Variants in INTS3 observed in about 807,000 individuals in gnomAD.
The protein encoded by INTS3 is integrator complex subunit 3.
INTS3 carries 34 observed loss-of-function variants against 146.3 expected under a neutral mutation model. The observed-to-expected ratio is 0.23, with a 90% CI of 0.18 to 0.31. The LOEUF (loss-of-function observed/expected upper bound fraction) is 0.31, where lower values mean the gene tolerates loss of function less well. Ranked by LOEUF, INTS3 falls within the 10% of genes least tolerant of loss-of-function variation. INTS3 has a pLI of 1.00. For missense variants in INTS3, 757 were observed against 1,304.2 expected, an observed-to-expected ratio of 0.58 and a Z score of 6.46; for synonymous variants, 475 against 494.9, an observed-to-expected ratio of 0.96 and a Z score of 0.53.
Position 153,772,305 on chromosome 1 carries a change from A to C in INTS3, c.2721-35A>C, listed in dbSNP as rs781595243. ...GTGTCTCGCACTCTGGAACCCTCCCACACTCAGACTCTGGCTCTGGTGATT... is the reference window on the plus strand; with the variant it reads ...GTGTCTCGCACTCTGGAACCCTCCCCCACTCAGACTCTGGCTCTGGTGATT... On this transcript the variant is annotated intron_variant, in intron 26 of 29. Transcript: ENST00000318967. This position sits in a 1 kb window ranked among gnomAD's most constrained non-coding sequence, Gnocchi z 4.6. The C allele has an allele frequency of 1.9e-6, 3 of 1,605,282 alleles. No individual in the cohort carries two copies. The East Asian group carries it at 6.7e-5, about 36-fold the overall frequency.
At chr1:153,741,399 C>G (rs1177185722) in intron 3 of INTS3, 31 bp downstream of exon 3, 2 of 1,474,606 alleles carry the variant, frequency 1.4e-6, no homozygotes, top group Admixed American at 3.3e-5. Context: ...CCCATAAACC[C>G]TCCTCATATA....
At chr1:153,755,020 T>C (rs1205207756) in intron 9 of INTS3, among the ~76,000 whole-genome samples, 2 of 152,208 alleles carry the variant, frequency 1.3e-5, no homozygotes, top group African/African-American at 4.8e-5. Flanking sequence ...CCAATAATTA[T>C]ATAGAAATAC....
In INTS3 at chr1:153,774,574, T is replaced by C. The variant is rs189157344; in HGVS notation, c.*1304T>C. ...AGAGGAGAGTTCCTTGGCTATGCTG[T>C]TGTTCCCCCGCTGTCCAGGGAGAAT... is the stretch of plus-strand genomic sequence containing the variant. On this transcript the variant is annotated 3_prime_UTR_variant, in exon 30 of 30. Transcript: ENST00000318967. 2 of 154,356 alleles carry C rather than the reference T, an allele frequency of 1.3e-5. No homozygotes were observed. Among genetic ancestry groups the C allele is most frequent in the African/African-American group, 2.4e-5 (1 of 41,558 alleles). The allele number at this position is 154,356 out of a possible 1,614,324, so 9.6% of individuals were successfully genotyped here.
intron 1 of INTS3, among the ~76,000 whole-genome samples, chr1:153,738,731 GA>G (rs1671398860): frequency 6.6e-6 from 1 of 152,108 alleles, no homozygotes; most frequent in Non-Finnish European, 1.5e-5. Context: ...CATTGATGAT[GA>G]TATTTGCCTG....
At chr1:153,753,294 C>T (rs1007422265) in intron 8 of INTS3, among the ~76,000 whole-genome samples, 10 of 152,042 alleles carry the variant, frequency 6.6e-5, no homozygotes, top group Admixed American at 5.9e-4. Flanking sequence ...CGCGGTGGCT[C>T]ACACCTGTAA....
At chr1:153,742,571 T>C (rs1295185848) in intron 3 of INTS3, among the ~76,000 whole-genome samples, 7 of 152,054 alleles carry the variant, frequency 4.6e-5, no homozygotes, top group Non-Finnish European at 1.0e-4. Context: ...TTTAGTCATC[T>C]CAGTGCAAAT....
intron 25 of INTS3, 49 bp from the exon 26 acceptor site, chr1:153,771,747 C>A: frequency 6.4e-7 from 1 of 1,559,328 alleles, no homozygotes; most frequent in Non-Finnish European, 8.7e-7. Flanking sequence ...ACCCAGCATG[C>A]CCTGCGGCCA....
At chr1:153,754,606 C>A in intron 8 of INTS3, 36 bp from the exon 9 acceptor site, 1 of 1,399,986 alleles carries the variant, frequency 7.1e-7, no homozygotes, top group Non-Finnish European at 1.0e-6. Flanking sequence ...GGTCCTTAGG[C>A]TTCCTCTTTT....
intron 21 of INTS3, among the ~76,000 whole-genome samples, chr1:153,768,483 C>T (rs1484186643): frequency 1.3e-5 from 2 of 152,234 alleles, no homozygotes; most frequent in African/African-American, 4.8e-5. Flanking sequence ...ACTCTCTACA[C>T]CACCTCTTTG....
In INTS3 at chr1:153,762,914, G is replaced by T. The variant is rs952270938; in HGVS notation, c.1636+67G>T. 7.5e-6 allele frequency: 12 copies of T among 1,589,684 alleles called. No homozygotes were observed. The Admixed American group carries it at 2.1e-4, about 27-fold the overall frequency. ...CTGAGAGGACCAGTTCCCAGAAGCA[G>T]CCTCTCTGCACTCTTCCTGTCACCC... On this transcript the variant is annotated intron_variant, in intron 15 of 29. Transcript: ENST00000318967.
intron 25 of INTS3, 101 bp downstream of exon 25, chr1:153,770,834 T>C (rs1293030943): frequency 1.1e-6 from 1 of 931,176 alleles, no homozygotes; most frequent in South Asian, 1.4e-5. Flanking sequence ...CCATATTTTT[T>C]CCTGTCGTTA....
chr1:153,765,945 C>A (rs1278388839), intron 20 of INTS3, among the ~76,000 whole-genome samples: 3 of 152,036 alleles, frequency 2.0e-5, no homozygotes, highest in Non-Finnish European at 4.4e-5. Context: ...ATTTTTATCA[C>A]CCCAAAAAGA....
At chr1:153,754,071 G>T (rs562802531) in intron 8 of INTS3, among the ~76,000 whole-genome samples, 545 of 151,912 alleles carry the variant, frequency 3.6e-3, no homozygotes, top group Non-Finnish European at 6.3e-3. Flanking sequence ...AAGGTGCTAG[G>T]ATTACAGGTG....
At position 153,728,539 on chromosome 1, in the gene INTS3, C is replaced by T. The variant is rs901041160; in HGVS notation, c.-96C>T. On this transcript the variant is annotated 5_prime_UTR_variant, in exon 1 of 30. Transcript: ENST00000318967. Reference sequence around the variant, plus strand: ...TTGCTCTCCCCTCCCCAACTTGTTCCTCTTGCCCCCCAGTCCCTGGCAATC... The same window carrying T: ...TTGCTCTCCCCTCCCCAACTTGTTCTTCTTGCCCCCCAGTCCCTGGCAATC... 2.1e-6 allele frequency: 3 copies of T among 1,446,562 alleles called. No homozygotes were observed. The highest frequency in any genetic ancestry group is 2.9e-5 in the African/African-American group (2 of 67,982). 89.6% of individuals were successfully genotyped at this position (1,446,562 alleles called of 1,614,324 possible).
intron 1 of INTS3, among the ~76,000 whole-genome samples, chr1:153,740,064 G>T (rs565195517): frequency 1.9e-4 from 28 of 151,018 alleles, no homozygotes; most frequent in Admixed American, 6.6e-4. Flanking sequence ...CTCCCAAAGT[G>T]CTGGGATTAC....
intron 1 of INTS3, among the ~76,000 whole-genome samples, chr1:153,730,869 C>T (rs1322705550): frequency 6.6e-6 from 1 of 152,074 alleles, no homozygotes; most frequent in Admixed American, 6.6e-5. Context: ...GTGTGTGGTT[C>T]GGTTATCCCC....
intron 1 of INTS3, among the ~76,000 whole-genome samples, chr1:153,735,461 C>A (rs1434522449): frequency 6.6e-6 from 1 of 152,166 alleles, no homozygotes; most frequent in African/African-American, 2.4e-5. Context: ...GTTATGCTTC[C>A]TGTCAGTTTG....
Position 153,772,016 on chromosome 1 carries a change from C to T in INTS3, c.2720+53C>T. The T allele has an allele frequency of 6.8e-7, 1 of 1,471,432 alleles. No homozygotes were observed. The highest frequency in any genetic ancestry group is 1.2e-5 in the South Asian group (1 of 81,198). The allele number at this position is 1,471,432 out of a possible 1,614,324, so 91.1% of individuals were successfully genotyped here. The stretch of plus-strand genomic sequence containing the variant: ...AGGCCATGGCGGTCTGCAGTGATTG[C>T]TGTCGGTGGTGGTGGTGGTGGTGGT... On this transcript the variant is annotated intron_variant, in intron 26 of 29. Transcript: ENST00000318967. The surrounding 1 kb of genome is among the most constrained non-coding windows in gnomAD (Gnocchi z 4.6).
rs1260776904 is a variant in INTS3 at position 153,764,874 on chromosome 1, C to T, written c.1971-70C>T. ...TGTGGGCACAGACAGCCCATGCCAC[C>T]TGAGAAACTCCATGGGAGAGTCTGC... is the stretch of plus-strand genomic sequence containing the variant. On this transcript the variant is annotated intron_variant, in intron 19 of 29. Transcript: ENST00000318967. The T allele has an allele frequency of 2.5e-6, 4 of 1,601,136 alleles. No individual in the cohort carries two copies. The East Asian group carries it at 8.9e-5, about 36-fold the overall frequency.
Sources: gnomAD v4.1 joint callset for allele counts (sites outside exome capture counted in the v4.1 genomes callset) on GRCh38, gnomAD v4.1.1 for gene constraint, Gnocchi (gnomAD v3.1) non-coding constraint, MANE v1.5 for transcripts, NCBI Gene and HGNC (gene_info 2026-07-23, HGNC 2026-07-21) for gene names.